The following LUZP2 variants were observed in gnomAD, a reference collection of about 807,000 sequenced individuals.
LUZP2 encodes the protein leucine zipper protein 2.
A neutral mutation model predicts 51.6 loss-of-function variants in LUZP2; 52 were observed. The observed-to-expected ratio is 1.01, with a 90% confidence interval of 0.81 to 1.27. The LOEUF is 1.27. Ranked by LOEUF, LUZP2 falls within the 50% of genes most tolerant of loss-of-function variation. The probability of loss-of-function intolerance (pLI) is 0.00; values close to 1 mark genes in which losing one functional copy is unlikely to be tolerated. For missense variants in LUZP2, 436 were observed against 395.4 expected, an observed-to-expected ratio of 1.10 and a Z score of -0.87; for synonymous variants, 154 against 137.3, an observed-to-expected ratio of 1.12 and a Z score of -0.85.
intron 7 of LUZP2, among the ~76,000 whole-genome samples, chr11:24,960,838 T>C (rs1034136893): frequency 2.0e-5 from 3 of 152,144 alleles, no homozygotes; most frequent in Admixed American, 6.5e-5. Context: ...ATTGTGATGT[T>C]AGGGTGTCAG....
intron 1 of LUZP2, among the ~76,000 whole-genome samples, chr11:24,707,776 C>T (rs12289612): frequency 0.069 from 10,517 of 152,100 alleles, 1,208 homozygotes; most frequent in African/African-American, 0.24. Context: ...GTTTCGGTAC[C>T]GCAAAAGAAA....
chr11:24,989,275 A>G lies in LUZP2; in HGVS notation c.765+5982A>G, dbSNP rs186547417. Among the ~76,000 whole-genome samples the G allele has an allele frequency of 6.6e-3, 993 of 151,374 alleles. 6 individuals carry two copies. Among genetic ancestry groups the G allele is most frequent in the Non-Finnish European group, 0.011 (725 of 67,950 alleles). ...GTTTAGCAAATGGGGCTTTCAGTCA[A>G]TTATGCTCCCCGCAGTGGGAAATCT... On this transcript the variant is annotated intron_variant, in intron 9 of 11. Transcript: ENST00000336930.
At chr11:24,598,219 G>A (rs903094589) in intron 1 of LUZP2, among the ~76,000 whole-genome samples, 2 of 152,062 alleles carry the variant, frequency 1.3e-5, no homozygotes, top group African/African-American at 4.8e-5. Flanking sequence ...CCCTGGGAAT[G>A]AGAAAAGCAA....
chr11:24,533,479 A>G (rs1851076445), intron 1 of LUZP2, among the ~76,000 whole-genome samples: 1 of 151,386 alleles, frequency 6.6e-6, no homozygotes, highest in Non-Finnish European at 1.5e-5. Flanking sequence ...TGAAACCTCC[A>G]ACGACCTAAA....
chr11:24,693,019 C>G (rs1026175855), intron 1 of LUZP2, among the ~76,000 whole-genome samples: 12 of 151,488 alleles, frequency 7.9e-5, no homozygotes, highest in African/African-American at 2.9e-4. Context: ...ATTATATGTT[C>G]TTCACTAAAA....
At chr11:24,556,298 G>C (rs1180172987) in intron 1 of LUZP2, among the ~76,000 whole-genome samples, 1 of 152,040 alleles carries the variant, frequency 6.6e-6, no homozygotes, top group South Asian at 2.1e-4. Flanking sequence ...TTCCATTGTG[G>C]CATATAATAC....
intron 4 of LUZP2, among the ~76,000 whole-genome samples, chr11:24,758,951 A>G (rs1487813034): frequency 6.6e-6 from 1 of 152,146 alleles, no homozygotes; most frequent in Non-Finnish European, 1.5e-5. Context: ...GAAAAAATAA[A>G]TTAAAAAACA....
intron 1 of LUZP2, among the ~76,000 whole-genome samples, chr11:24,724,162 A>G (rs537373742): frequency 6.6e-6 from 1 of 152,306 alleles, no homozygotes; most frequent in South Asian, 2.1e-4. Context: ...GTTTTTCTAC[A>G]TGAATGCTGT....
chr11:25,060,097 G>A (rs1318256671), intron 10 of LUZP2, among the ~76,000 whole-genome samples: 3 of 152,156 alleles, frequency 2.0e-5, no homozygotes, highest in Non-Finnish European at 4.4e-5. Flanking sequence ...CAGAGCCTCA[G>A]TAAGTTGAGG....
At chr11:24,866,905 T>C (rs1054138082) in intron 5 of LUZP2, among the ~76,000 whole-genome samples, 6 of 151,924 alleles carry the variant, frequency 3.9e-5, no homozygotes, top group African/African-American at 1.5e-4. Flanking sequence ...AGGAGTTCGG[T>C]GGGAGATGAG....
chr11:24,576,972 G>C lies in LUZP2; in HGVS notation c.62+79667G>C, dbSNP rs150289146. Among the ~76,000 whole-genome samples, 3 of 151,888 alleles carry C rather than the reference G, an allele frequency of 2.0e-5. No homozygotes were observed. In the East Asian group the frequency reaches 5.8e-4, roughly 29 times the overall value. ...ATGTTCAATCAGAAGAAATTGATGG[G>C]ACTGGTTAAAGAAAAACACCCTATA... On this transcript the variant is annotated intron_variant, in intron 1 of 11. Transcript: ENST00000336930.
At chr11:24,677,501 G>A (rs12576845) in intron 1 of LUZP2, among the ~76,000 whole-genome samples, 28,279 of 151,908 alleles carry the variant, frequency 0.19, 2,730 homozygotes, top group East Asian at 0.33. Context: ...TCTCTATCAG[G>A]AATTCCAAAG....
intron 1 of LUZP2, among the ~76,000 whole-genome samples, chr11:24,509,440 T>C (rs2133771838): frequency 6.7e-6 from 1 of 149,798 alleles, no homozygotes; most frequent in African/African-American, 2.4e-5. Flanking sequence ...ATATATATAG[T>C]ATACATATGG....
At chr11:24,553,201 T>G (rs1851770709) in intron 1 of LUZP2, among the ~76,000 whole-genome samples, 1 of 151,740 alleles carries the variant, frequency 6.6e-6, no homozygotes, top group Non-Finnish European at 1.5e-5. Flanking sequence ...TGTTGAATAA[T>G]TCAAAACACA....
chr11:24,541,849 A>T (rs1293929007), intron 1 of LUZP2, among the ~76,000 whole-genome samples: 2 of 152,088 alleles, frequency 1.3e-5, no homozygotes, highest in African/African-American at 4.8e-5. Context: ...AAATTCCAAA[A>T]ATTCTAAAAT....
intron 7 of LUZP2, among the ~76,000 whole-genome samples, chr11:24,935,813 G>T (rs1454339651): frequency 1.3e-5 from 2 of 152,036 alleles, no homozygotes; most frequent in East Asian, 1.9e-4. Flanking sequence ...TGGAAAGAAT[G>T]GTAAAATGGT....
At chr11:24,726,830 G>A (rs112903025) in intron 1 of LUZP2, among the ~76,000 whole-genome samples, 1 of 152,028 alleles carries the variant, frequency 6.6e-6, no homozygotes, top group African/African-American at 2.4e-5. Context: ...AAAATTATTA[G>A]AAGATGAACA....
chr11:24,543,662 A>G (rs1051038447), intron 1 of LUZP2, among the ~76,000 whole-genome samples: 1 of 151,900 alleles, frequency 6.6e-6, no homozygotes, highest in East Asian at 1.9e-4. Flanking sequence ...CTCTACTAAA[A>G]ATACAGAAAT....
intron 5 of LUZP2, among the ~76,000 whole-genome samples, chr11:24,819,891 A>C (rs1260307597): frequency 2.6e-5 from 4 of 152,154 alleles, no homozygotes; most frequent in Non-Finnish European, 5.9e-5. Flanking sequence ...AAAAGACACT[A>C]GGCACAGAAA....
Sources: allele counts gnomAD v4.1 joint callset (sites outside exome capture counted in the v4.1 genomes callset), GRCh38; gene constraint gnomAD v4.1.1; transcripts MANE v1.5; gene names NCBI Gene and HGNC (gene_info 2026-07-23, HGNC 2026-07-21).